Variants in MRNIP observed in about 807,000 individuals in gnomAD.
MRNIP encodes the protein MRN complex-interacting protein.
MRNIP carries 30 observed loss-of-function variants against 29.8 expected under a neutral mutation model. That is an observed-to-expected ratio of 1.01 (90% CI 0.75 to 1.36). MRNIP has a LOEUF of 1.36. Ranked by LOEUF, MRNIP falls within the 40% of genes most tolerant of loss-of-function variation. MRNIP has a pLI of 0.00. For missense variants in MRNIP, 459 were observed against 423.5 expected (o/e 1.08, Z -0.74); for synonymous variants, 201 against 164.1 (o/e 1.23, Z -1.72).
intron 6 of MRNIP, 170 bp downstream of exon 6, chr5:179,840,702 C>G (rs1758842009): frequency 3.1e-6 from 2 of 635,722 alleles, no homozygotes; most frequent in Middle Eastern, 3.0e-4. Flanking sequence ...AAAGGGGGTA[C>G]AGACCCGAGG....
chr5:179,853,192 A>T (rs773453254), intron 2 of MRNIP, 186 bp downstream of exon 2: 5 of 1,520,932 alleles, frequency 3.3e-6, no homozygotes, highest in East Asian at 5.0e-5. Context: ...ATCAAATGGC[A>T]GTACCTTTCC....
At chr5:179,843,041 A>AGCAGGAAGGAAG (rs1554093092) in intron 4 of MRNIP, among the ~76,000 whole-genome samples, 1 of 106,202 alleles carries the variant, frequency 9.4e-6, no homozygotes, top group Admixed American at 1.0e-4. Context: ...AAAGGAGGAA[A>AGCAGGAAGGAAG]GAAGGAAGGA....
In MRNIP at chr5:179,837,694, G is replaced by A. The variant is rs61742526; in HGVS notation, c.729C>T (p.Asp243=). 0.014 allele frequency: 22,244 copies of A among 1,614,228 alleles called. 259 individuals are homozygous for A. The highest frequency in any genetic ancestry group is 0.016 in the Middle Eastern group (94 of 6,062). Residue 243 remains aspartate (D), a synonymous_variant, in exon 7 of 7, where the codon GAC becomes GAT. Coordinates refer to ENST00000292586, the MANE Select transcript of MRNIP (RefSeq NM_016175.4). ...TCTGAAGAGACCTTGGCTGCTCACT[G>A]TCCACATGTGAACTTTTTCTAGGTG... ...VLPPRKSSHV[D]SEQPRSLQRD...
At chr5:179,845,379 C>T (rs572359016) in intron 3 of MRNIP, among the ~76,000 whole-genome samples, 1 of 152,210 alleles carries the variant, frequency 6.6e-6, no homozygotes, top group East Asian at 1.9e-4. Flanking sequence ...GAACTCCTGA[C>T]CTCAAGTGAT....
At chr5:179,848,109 GA>G (rs1228177872) in intron 2 of MRNIP, 43 bp from the exon 3 acceptor site, 2 of 1,453,688 alleles carry the variant, frequency 1.4e-6, no homozygotes, top group Non-Finnish European at 1.9e-6. Context: ...AGTGCTGGCA[GA>G]ATGCTGAGAA....
intron 1 of MRNIP, among the ~76,000 whole-genome samples, chr5:179,854,552 A>G (rs1759504881): frequency 6.6e-6 from 1 of 152,176 alleles, no homozygotes; most frequent in African/African-American, 2.4e-5. Context: ...AGGGAGGCCA[A>G]GACTACTCGA....
intron 6 of MRNIP, chr5:179,838,444 G>A (rs575950982): frequency 8.0e-4 from 127 of 159,366 alleles, no homozygotes; most frequent in Middle Eastern, 3.4e-3. Context: ...GGGAGGCCAA[G>A]GCAGGTAGAT....
Position 179,837,596 on chromosome 5 carries a change from A to T in MRNIP, c.827T>A (p.Leu276His). The T allele has an allele frequency of 6.2e-7, 1 of 1,614,128 alleles. No homozygotes were observed. Among genetic ancestry groups the T allele is most frequent in the Non-Finnish European group, 8.5e-7 (1 of 1,179,990 alleles). Residue 276 changes from leucine to histidine, a missense_variant, in exon 7 of 7, where the codon CTC becomes CAC. Physicochemically the swap from Leu to His is moderately conservative, Grantham distance 99. Transcript: ENST00000292586. Reference sequence around the variant, plus strand: ...CTGGACAGCGGCAGTGGGCCTGCTGAGGCCTTCTCTTGAGGCCTGTGCTCT... The same window carrying T: ...CTGGACAGCGGCAGTGGGCCTGCTGTGGCCTTCTCTTGAGGCCTGTGCTCT... ...TPRAQASREG[L>H]SRPTAAVQLP...
At chr5:179,853,764 T>TC (rs2113571566) in intron 1 of MRNIP, among the ~76,000 whole-genome samples, 1 of 151,880 alleles carries the variant, frequency 6.6e-6, no homozygotes, top group South Asian at 2.1e-4. Flanking sequence ...AGGGTGAGAC[T>TC]CCATCTCAAA....
intron 2 of MRNIP, among the ~76,000 whole-genome samples, chr5:179,852,921 C>T (rs954133268): frequency 3.3e-5 from 5 of 152,182 alleles, no homozygotes; most frequent in African/African-American, 1.2e-4. Flanking sequence ...GCCCACTATC[C>T]CACACCTCCA....
rs748384722 is a variant in MRNIP at position 179,858,813 on chromosome 5, G to A, written c.-17C>T. 1.1e-5 allele frequency: 17 copies of A among 1,537,326 alleles called. No homozygotes were observed. Among genetic ancestry groups the A allele is most frequent in the Middle Eastern group, 3.3e-4 (2 of 6,000 alleles). The stretch of plus-strand genomic sequence containing the variant: ...CGACGCCATCCCTGCTTGTGCAGTC[G>A]CCAGGCAGCCAAGCGCGTGCGCTCT... On this transcript the variant is annotated 5_prime_UTR_variant, in exon 1 of 7. Coordinates refer to ENST00000292586, the MANE Select transcript of MRNIP (RefSeq NM_016175.4).
intron 6 of MRNIP, 64 bp from the exon 7 acceptor site, chr5:179,837,949 C>T: frequency 6.7e-7 from 1 of 1,497,802 alleles, no homozygotes; most frequent in Admixed American, 1.9e-5. Flanking sequence ...GGAGGACCGC[C>T]TGCCCTGCCT....
rs961995940 is a variant in MRNIP, at chr5:179,858,775, G to A, written c.22C>T (p.Arg8Trp). The change falls in exon 1 of 7, where the codon CGG becomes TGG. Residue 8 changes from arginine to tryptophan, a missense_variant. Coordinates refer to ENST00000292586, the MANE Select transcript of MRNIP (RefSeq NM_016175.4). MASLQRS[R>W]VLRCCSCRLF... ...CGGCAGCTGCAGCAGCGTAGCACCC[G>A]AGAACGCTGAAGCGACGCCATCCCT... is the stretch of plus-strand genomic sequence containing the variant. The A allele has an allele frequency of 2.6e-6, 4 of 1,540,868 alleles. No homozygotes were observed. Among genetic ancestry groups the A allele is most frequent in the East Asian group, 4.9e-5 (2 of 40,438 alleles).
intron 2 of MRNIP, among the ~76,000 whole-genome samples, chr5:179,848,559 A>G (rs1759223461): frequency 1.3e-5 from 2 of 152,188 alleles, no homozygotes; most frequent in Admixed American, 6.5e-5. Context: ...ATCTTGGGGT[A>G]GACAATACAG....
intron 3 of MRNIP, among the ~76,000 whole-genome samples, chr5:179,844,701 C>T (rs923022130): frequency 6.6e-6 from 1 of 152,264 alleles, no homozygotes; most frequent in Middle Eastern, 3.4e-3. Context: ...GCTGGGATTA[C>T]AAGCGTGAAG....
At chr5:179,848,477 AT>A (rs1230603728) in intron 2 of MRNIP, among the ~76,000 whole-genome samples, 1 of 152,138 alleles carries the variant, frequency 6.6e-6, no homozygotes, top group East Asian at 1.9e-4. Flanking sequence ...AATAAAATAC[AT>A]TTTTTCCCAC....
intron 1 of MRNIP, among the ~76,000 whole-genome samples, chr5:179,853,740 C>G (rs554919158): frequency 1.6e-4 from 24 of 151,336 alleles, no homozygotes; most frequent in African/African-American, 1.9e-4. Context: ...CCACTGCACT[C>G]CAGCCTACAC....
At chr5:179,846,554 T>G (rs1046864800) in intron 3 of MRNIP, among the ~76,000 whole-genome samples, 2 of 152,148 alleles carry the variant, frequency 1.3e-5, no homozygotes, top group African/African-American at 4.8e-5. Flanking sequence ...GTGCTGGGAT[T>G]ACAGGGGTGA....
At chr5:179,854,525 C>T (rs1275522276) in intron 1 of MRNIP, among the ~76,000 whole-genome samples, 1 of 152,134 alleles carries the variant, frequency 6.6e-6, no homozygotes, top group Non-Finnish European at 1.5e-5. Flanking sequence ...TGGCTTGAGC[C>T]TGTAGTCTCA....
Sources: gnomAD v4.1 joint callset for allele counts (sites outside exome capture counted in the v4.1 genomes callset) on GRCh38, gnomAD v4.1.1 for gene constraint, MANE v1.5 for transcripts, NCBI Gene and HGNC (gene_info 2026-07-23, HGNC 2026-07-21) for gene names.